The following PPP4R3B variants were observed in gnomAD, a reference collection of about 807,000 sequenced individuals.
PPP4R3B encodes the protein serine/threonine-protein phosphatase 4 regulatory subunit 3B.
PPP4R3B carries 52 observed loss-of-function variants against 95.4 expected under a neutral mutation model. The observed-to-expected ratio is 0.54, with a 90% CI of 0.44 to 0.69. The LOEUF is 0.69. Ranked by LOEUF, PPP4R3B falls within the 30% of genes least tolerant of loss-of-function variation. The pLI, the probability that PPP4R3B is intolerant of heterozygous loss-of-function variation, is 0.00. For missense variants in PPP4R3B, 1,003 were observed against 1,005.9 expected (o/e 1.00, Z 0.04); for synonymous variants, 407 against 343.9 (o/e 1.18, Z -2.03).
At chr2:55,557,329 C>T (rs1001192979) in intron 16 of PPP4R3B, among the ~76,000 whole-genome samples, 35 of 152,080 alleles carry the variant, frequency 2.3e-4, no homozygotes, top group Admixed American at 5.2e-4. Flanking sequence ...TAGCTGGGAC[C>T]ACAGGTGTGT....
chr2:55,591,485 G>A, intron 4 of PPP4R3B: 1 of 972,402 alleles, frequency 1.0e-6, no homozygotes, highest in Non-Finnish European at 1.2e-6. Context: ...TTAGGTTAGG[G>A]TGAGTAAGTA....
chr2:55,591,693 G>C lies in PPP4R3B; in HGVS notation c.922-2737C>G, dbSNP rs1244974068. On this transcript the variant is annotated intron_variant, in intron 4 of 16. Coordinates refer to ENST00000616407, the MANE Select transcript of PPP4R3B (RefSeq NM_001122964.3). The stretch of plus-strand genomic sequence containing the variant: ...TTCGGTACTTGTGAGCTGATAAGTA[G>C]AACTGCATAAAATATTACAGATAGA... 1.4e-5 allele frequency: 14 copies of C among 976,792 alleles called. No homozygotes were observed. In the African/African-American group the frequency reaches 2.1e-4, roughly 15 times the overall value. 60.5% of individuals were successfully genotyped at this position (976,792 alleles called of 1,614,324 possible).
chr2:55,605,041 G>A (rs1385895309), intron 2 of PPP4R3B, among the ~76,000 whole-genome samples: 1 of 152,102 alleles, frequency 6.6e-6, no homozygotes, highest in African/African-American at 2.4e-5. Flanking sequence ...ATTTTGCCCA[G>A]GTTGGTCTGG....
At chr2:55,552,821 T>C (rs969701741) in intron 16 of PPP4R3B, among the ~76,000 whole-genome samples, 1 of 152,200 alleles carries the variant, frequency 6.6e-6, no homozygotes, top group Non-Finnish European at 1.5e-5. Flanking sequence ...CAAGGCATTT[T>C]TGGAAAAGAG....
chr2:55,586,491 C>G, intron 6 of PPP4R3B, 127 bp downstream of exon 6: 1 of 542,298 alleles, frequency 1.8e-6, no homozygotes, highest in South Asian at 3.2e-5. Context: ...TGAAGATATT[C>G]TTGTAATTCA....
At chr2:55,596,336 C>T (rs778319227) in intron 4 of PPP4R3B, among the ~76,000 whole-genome samples, 1 of 52,472 alleles carries the variant, frequency 1.9e-5, no homozygotes, top group Admixed American at 2.3e-4. Flanking sequence ...TCATCAGATT[C>T]GTCTATTTCG....
chr2:55,561,236 G>T (rs939106583), intron 15 of PPP4R3B, among the ~76,000 whole-genome samples: 3 of 152,180 alleles, frequency 2.0e-5, no homozygotes, highest in Non-Finnish European at 4.4e-5. Context: ...TGGGGTAGAG[G>T]CAAGAACTGA....
chr2:55,578,342 T>A lies in PPP4R3B; in HGVS notation c.1469A>T (p.Asp490Val). 2.2e-6 allele frequency: 3 copies of A among 1,387,576 alleles called. No homozygotes were observed. Among genetic ancestry groups the A allele is most frequent in the Non-Finnish European group, 2.8e-6 (3 of 1,065,814 alleles). 86.0% of individuals were successfully genotyped at this position (1,387,576 alleles called of 1,614,324 possible). ...ATATCTGTAATGTTTTAAAAAAAAA[T>A]CTGAAAAAAAATATGGCAAGTTAGT... Reference protein sequence around the residue: ...TNTSEDKCEKDFFLKHYRYSW... With the variant: ...TNTSEDKCEKVFFLKHYRYSW... The change falls in exon 10 of 17, where the codon GAT becomes GTT. Residue 490 changes from aspartate (D) to valine (V), a missense_variant and splice_region_variant. Asp to Val is a radical substitution (Grantham distance 152). This residue lies in a region of PPP4R3B where 695 missense variants were observed against 686.2 expected (regional missense o/e 1.01). Transcript: ENST00000616407.
At chr2:55,570,923 C>T (rs1158656692) in intron 12 of PPP4R3B, among the ~76,000 whole-genome samples, 4 of 152,206 alleles carry the variant, frequency 2.6e-5, no homozygotes, top group Non-Finnish European at 5.9e-5. Flanking sequence ...CAATTCTACA[C>T]TGCTGGTAAA....
chr2:55,596,505 T>C (rs904623048), intron 4 of PPP4R3B, among the ~76,000 whole-genome samples: 2 of 152,228 alleles, frequency 1.3e-5, no homozygotes, highest in African/African-American at 4.8e-5. Context: ...AAAACCAGAA[T>C]GCTATAAATA....
chr2:55,577,695 A>G (rs1033319255), intron 10 of PPP4R3B, among the ~76,000 whole-genome samples: 1 of 152,098 alleles, frequency 6.6e-6, no homozygotes, highest in Non-Finnish European at 1.5e-5. Context: ...TTGTTTTACT[A>G]TTTTTAATTT....
In PPP4R3B at chr2:55,549,858, T is replaced by C. The variant is rs1685045436; in HGVS notation, c.*53A>G. The C allele has an allele frequency of 4.5e-6, 6 of 1,324,894 alleles. No homozygotes were observed. The East Asian group carries it at 1.4e-4, about 30-fold the overall frequency. The allele number at this position is 1,324,894 out of a possible 1,614,324, so 82.1% of individuals were successfully genotyped here. A position where few individuals can be genotyped will look rare whatever the true frequency, so the allele number is the denominator to read the frequency against. On this transcript the variant is annotated 3_prime_UTR_variant, in exon 17 of 17. Coordinates refer to ENST00000616407, the MANE Select transcript of PPP4R3B (RefSeq NM_001122964.3). ...TTTCTGATTCAGATTTTCAGCTCAC[T>C]GAACAGTTGCAGCATTGTAAGACCA...
intron 16 of PPP4R3B, among the ~76,000 whole-genome samples, chr2:55,553,533 T>C (rs1303840676): frequency 2.6e-5 from 4 of 152,116 alleles, no homozygotes; most frequent in Admixed American, 2.0e-4. Context: ...AGTTACGTAA[T>C]CACCACCAAT....
intron 12 of PPP4R3B, among the ~76,000 whole-genome samples, chr2:55,572,438 T>C (rs886198003): frequency 6.6e-6 from 1 of 152,140 alleles, no homozygotes; most frequent in Non-Finnish European, 1.5e-5. Flanking sequence ...TAACTGGCAA[T>C]TCACAACAGA....
At chr2:55,588,764 T>C in intron 5 of PPP4R3B, 115 bp downstream of exon 5, 1 of 585,276 alleles carries the variant, frequency 1.7e-6, no homozygotes, top group Non-Finnish European at 3.0e-6. Context: ...TACATACTTT[T>C]CATCTCTTAC....
At chr2:55,585,197 G>A in intron 6 of PPP4R3B, 30 bp from the exon 7 acceptor site, 2 of 1,475,066 alleles carry the variant, frequency 1.4e-6, no homozygotes, top group Non-Finnish European at 1.8e-6. Flanking sequence ...GTTACTTAGA[G>A]ACTGTTAACA....
intron 12 of PPP4R3B, among the ~76,000 whole-genome samples, chr2:55,572,243 A>G (rs773136054): frequency 1.2e-4 from 19 of 152,216 alleles, no homozygotes; most frequent in Non-Finnish European, 2.4e-4. Context: ...AAGCAAAACA[A>G]AAAACCCAAA....
intron 3 of PPP4R3B, among the ~76,000 whole-genome samples, chr2:55,599,836 A>C (rs1692301136): frequency 6.6e-6 from 1 of 152,242 alleles, no homozygotes; most frequent in South Asian, 2.1e-4. Flanking sequence ...CTTCCTTTGA[A>C]TAAAAAGCCC....
At chr2:55,603,949 TAAGTTA>T (rs1179792237) in intron 3 of PPP4R3B, 23 bp downstream of exon 3, 1 of 1,491,942 alleles carries the variant, frequency 6.7e-7, no homozygotes, top group Admixed American at 2.0e-5. Flanking sequence ...AAGCAAACAT[TAAGTTA>T]AATATTATAA....
Sources: allele counts gnomAD v4.1 joint callset (sites outside exome capture counted in the v4.1 genomes callset), GRCh38; gene constraint gnomAD v4.1.1; regional missense constraint gnomAD v4.1.1; transcripts MANE v1.5; gene names NCBI Gene and HGNC (gene_info 2026-07-23, HGNC 2026-07-21).